EYS: variants seen among roughly 807,000 people sequenced by gnomAD.
EYS encodes the protein protein eyes shut homolog.
Under a neutral mutation model 282.1 loss-of-function variants are expected in EYS, and 250 were observed. The observed-to-expected ratio is 0.89, with a 90% CI of 0.80 to 0.98. EYS has a LOEUF of 0.98. EYS is among the 50% of genes least tolerant of loss of function. The pLI, the probability that EYS is intolerant of heterozygous loss-of-function variation, is 0.00. For synonymous variants in EYS, 1,355 were observed against 1,282.9 expected, an observed-to-expected ratio of 1.06 and a Z score of -1.20; for missense variants, 4,016 against 3,709.0, an observed-to-expected ratio of 1.08 and a Z score of -2.15.
chr6:65,550,148 T>C (rs1582444804), intron 2 of EYS, among the ~76,000 whole-genome samples: 3 of 20,404 alleles, frequency 1.5e-4, no homozygotes, highest in South Asian at 2.3e-3. Context: ...TATATCTTTT[T>C]TTTTTTTTTT....
chr6:65,541,916 C>G (rs779919716), intron 2 of EYS, among the ~76,000 whole-genome samples: 3 of 151,946 alleles, frequency 2.0e-5, no homozygotes, highest in Non-Finnish European at 2.9e-5. Context: ...AATGCAATTA[C>G]CTGGGAACCT....
intron 22 of EYS, among the ~76,000 whole-genome samples, chr6:64,722,743 C>T (rs928960070): frequency 2.0e-5 from 3 of 152,092 alleles, no homozygotes; most frequent in African/African-American, 7.2e-5. Flanking sequence ...TTTGAATTTC[C>T]TTGGCCATTA....
chr6:65,597,013 C>T (rs926536944), intron 2 of EYS, among the ~76,000 whole-genome samples: 1 of 152,030 alleles, frequency 6.6e-6, no homozygotes, highest in Non-Finnish European at 1.5e-5. Flanking sequence ...AAATTTGATA[C>T]AGATTCACAA....
chr6:65,027,046 G>T (rs1230766541), intron 13 of EYS, among the ~76,000 whole-genome samples: 4 of 149,710 alleles, frequency 2.7e-5, no homozygotes, highest in Non-Finnish European at 4.4e-5. Context: ...ACAGTGAGAA[G>T]CTTGGCTACC....
chr6:65,513,829 A>G (rs1197995419), intron 2 of EYS, among the ~76,000 whole-genome samples: 2 of 151,852 alleles, frequency 1.3e-5, no homozygotes. Flanking sequence ...CCCACAGCCG[A>G]CATCATACTG....
At chr6:65,443,482 C>A (rs1768508638) in intron 5 of EYS, among the ~76,000 whole-genome samples, 1 of 151,504 alleles carries the variant, frequency 6.6e-6, no homozygotes, top group Non-Finnish European at 1.5e-5. Flanking sequence ...CACATATATA[C>A]ACATATGCGC....
chr6:64,510,232 C>T (rs1327047316), intron 26 of EYS, among the ~76,000 whole-genome samples: 1 of 152,040 alleles, frequency 6.6e-6, no homozygotes, highest in African/African-American at 2.4e-5. Context: ...AATTAATTTT[C>T]AGCAGCTATA....
chr6:63,986,009 T>G (rs1365114586), intron 34 of EYS, among the ~76,000 whole-genome samples: 2 of 151,636 alleles, frequency 1.3e-5, no homozygotes, highest in Non-Finnish European at 2.9e-5. Context: ...TGGGAGAAAA[T>G]TTTTGCAAAC....
intron 26 of EYS, among the ~76,000 whole-genome samples, chr6:64,445,808 C>G (rs1775100137): frequency 6.6e-6 from 1 of 152,034 alleles, no homozygotes; most frequent in Non-Finnish European, 1.5e-5. Flanking sequence ...AGTTAACTGG[C>G]TAGAACTGGG....
chr6:64,066,788 G>A (rs1017385337), intron 32 of EYS, among the ~76,000 whole-genome samples: 1 of 152,036 alleles, frequency 6.6e-6, no homozygotes, highest in Non-Finnish European at 1.5e-5. Flanking sequence ...ATGTTAAAAT[G>A]GGGTAGTGAG....
chr6:64,467,879 C>G (rs1775978016), intron 26 of EYS, among the ~76,000 whole-genome samples: 1 of 152,126 alleles, frequency 6.6e-6, no homozygotes, highest in Admixed American at 6.5e-5. Flanking sequence ...ATATGCCACT[C>G]AAGGGGTTTG....
At chr6:63,723,533 A>C (rs1768490610) in intron 42 of EYS, among the ~76,000 whole-genome samples, 1 of 152,088 alleles carries the variant, frequency 6.6e-6, no homozygotes, top group Non-Finnish European at 1.5e-5. Context: ...ATATCTAAGA[A>C]ATGATTAGGA....
intron 31 of EYS, among the ~76,000 whole-genome samples, chr6:64,121,792 A>G (rs1217911271): frequency 6.6e-6 from 1 of 152,110 alleles, no homozygotes; most frequent in Non-Finnish European, 1.5e-5. Context: ...TTCTTGCCTG[A>G]ATTGCCATCT....
At chr6:64,735,475 A>T (rs1772156779) in intron 22 of EYS, among the ~76,000 whole-genome samples, 1 of 152,066 alleles carries the variant, frequency 6.6e-6, no homozygotes, top group Non-Finnish European at 1.5e-5. Flanking sequence ...GCATGAATAT[A>T]CTCCTTTCAG....
rs777823172 is a variant in EYS, at chr6:64,352,017, A to G, written c.6078+36673T>C. 4.6e-4 allele frequency among the ~76,000 whole-genome samples: 70 copies of G among 151,472 alleles called. 1 individual carries two copies. Among genetic ancestry groups the G allele is most frequent in the Non-Finnish European group, 3.0e-4 (20 of 67,654 alleles). Reference sequence around the variant, plus strand: ...ATTTTTAAACTTCAGTCATTCACAAACTGCCTTGTAATTGTTGCTGTAGCT... The same window carrying G: ...ATTTTTAAACTTCAGTCATTCACAAGCTGCCTTGTAATTGTTGCTGTAGCT... On this transcript the variant is annotated intron_variant, in intron 29 of 42. Coordinates refer to ENST00000503581, the MANE Select transcript of EYS (RefSeq NM_001142800.2).
chr6:64,238,311 G>A (rs868488201), intron 30 of EYS, among the ~76,000 whole-genome samples: 1 of 152,240 alleles, frequency 6.6e-6, no homozygotes, highest in Middle Eastern at 3.4e-3. Flanking sequence ...AGTATGAAGG[G>A]TGGATATTTT....
In EYS at chr6:64,783,761, T is replaced by G. The variant is rs556760722; in HGVS notation, c.3443+29617A>C. Reference sequence around the variant, plus strand: ...ATCTTTCATTTGAGAACTTGAAGACTGTCAGCAAATTTCAAAGGCTTTAAT... The same window carrying G: ...ATCTTTCATTTGAGAACTTGAAGACGGTCAGCAAATTTCAAAGGCTTTAAT... On this transcript the variant is annotated intron_variant, in intron 22 of 42. Coordinates refer to ENST00000503581, the MANE Select transcript of EYS (RefSeq NM_001142800.2). 5.9e-5 allele frequency among the ~76,000 whole-genome samples: 9 copies of G among 152,312 alleles called. No individual in the cohort carries two copies. The South Asian group carries it at 1.9e-3, about 32-fold the overall frequency.
chr6:64,510,454 C>T (rs1166415594), intron 26 of EYS, among the ~76,000 whole-genome samples: 2 of 151,550 alleles, frequency 1.3e-5, no homozygotes, highest in African/African-American at 2.4e-5. Flanking sequence ...AGAAATTATT[C>T]ATGAATGCAT....
chr6:64,556,251 G>T (rs992237662), intron 26 of EYS, among the ~76,000 whole-genome samples: 3 of 151,904 alleles, frequency 2.0e-5, no homozygotes, highest in African/African-American at 7.2e-5. Context: ...GTGGAGAATA[G>T]ATTAAAAATT....
Sources: gnomAD v4.1 joint callset for allele counts (sites outside exome capture counted in the v4.1 genomes callset) on GRCh38, gnomAD v4.1.1 for gene constraint, MANE v1.5 for transcripts, NCBI Gene and HGNC (gene_info 2026-07-23, HGNC 2026-07-21) for gene names.